Variants in NOSTRIN observed in about 807,000 individuals in gnomAD.
NOSTRIN encodes BM247 homolog.
In NOSTRIN, 63 loss-of-function variants were observed where a neutral mutation model predicts 59.0. The observed-to-expected ratio is 1.07, with a 90% CI of 0.87 to 1.32. The LOEUF is 1.32. NOSTRIN is among the 40% of genes most tolerant of loss of function. The pLI, the probability that NOSTRIN is intolerant of heterozygous loss-of-function variation, is 0.00. For synonymous variants in NOSTRIN, 200 were observed against 165.4 expected, an observed-to-expected ratio of 1.21 and a Z score of -1.61; for missense variants, 512 against 473.1, an observed-to-expected ratio of 1.08 and a Z score of -0.76.
At chr2:168,847,499 T>C (rs1316275097) in intron 8 of NOSTRIN, among the ~76,000 whole-genome samples, 1 of 152,216 alleles carries the variant, frequency 6.6e-6, no homozygotes, top group Non-Finnish European at 1.5e-5. Context: ...AGCATATTTC[T>C]TTTATCAGTT....
intron 7 of NOSTRIN, among the ~76,000 whole-genome samples, chr2:168,834,541 A>ACACCCC (rs58702721): frequency 7.1e-5 from 10 of 140,360 alleles, no homozygotes; most frequent in African/African-American, 1.6e-4. Flanking sequence ...ACACACACAC[A>ACACCCC]CCACATACAT....
intron 5 of NOSTRIN, among the ~76,000 whole-genome samples, chr2:168,829,185 G>A (rs1284929087): frequency 6.6e-6 from 1 of 151,920 alleles, no homozygotes; most frequent in Non-Finnish European, 1.5e-5. Flanking sequence ...ATCCTTTCAG[G>A]GGCACCTGGT....
At chr2:168,857,393 T>A (rs1689191439) in intron 12 of NOSTRIN, among the ~76,000 whole-genome samples, 1 of 152,066 alleles carries the variant, frequency 6.6e-6, no homozygotes, top group African/African-American at 2.4e-5. Flanking sequence ...GTCTGGTGTG[T>A]GAGGCAAAAT....
chr2:168,843,721 C>T (rs1282420396), intron 8 of NOSTRIN, among the ~76,000 whole-genome samples: 1 of 152,132 alleles, frequency 6.6e-6, no homozygotes, highest in African/African-American at 2.4e-5. Context: ...TTGACAATAT[C>T]AAGTGTTGGT....
At position 168,864,902 on chromosome 2, in the gene NOSTRIN, G is replaced by C. The variant is rs1444050704; in HGVS notation, c.1453G>C (p.Gly485Arg). Residue 485 changes from glycine (G) to arginine (R), a missense_variant, in exon 16 of 16, where the codon GGC (glycine) becomes CGC (arginine). Gly to Arg is a moderately radical substitution (Grantham distance 125). Transcript: ENST00000317647. Reference sequence around the variant, plus strand: ...GTTTGGATCTTTGAATGGGAAAAAAGGCCATTTTCCTGCCGCTTATGTGGA... The same window carrying C: ...GTTTGGATCTTTGAATGGGAAAAAACGCCATTTTCCTGCCGCTTATGTGGA... The part of the protein sequence containing the change: ...WWFGSLNGKK[G>R]HFPAAYVEEL... 2 of 1,614,048 alleles carry C rather than the reference G, an allele frequency of 1.2e-6. No homozygotes were observed. Among genetic ancestry groups the C allele is most frequent in the Non-Finnish European group, 1.7e-6 (2 of 1,179,962 alleles).
intron 1 of NOSTRIN, among the ~76,000 whole-genome samples, chr2:168,810,072 C>T (rs1023478278): frequency 6.6e-6 from 1 of 152,142 alleles, no homozygotes; most frequent in African/African-American, 2.4e-5. Flanking sequence ...CAGTGATGGG[C>T]CAGAATGGTT....
At chr2:168,802,463 T>C (rs1308881853), upstream of NOSTRIN, 1 of 588,190 alleles carries the variant, frequency 1.7e-6, no homozygotes, top group Non-Finnish European at 3.2e-6. Context: ...AGCAGTTCTT[T>C]ACTTTCTCGG....
rs147991503 is a variant in NOSTRIN at position 168,819,965 on chromosome 2, C to T, written c.114-4669C>T. Among the ~76,000 whole-genome samples the T allele has an allele frequency of 4.9e-3, 740 of 152,260 alleles. 5 individuals are homozygous for T. Among genetic ancestry groups the T allele is most frequent in the Middle Eastern group, 0.024 (7 of 294 alleles). On this transcript the variant is annotated intron_variant, in intron 2 of 15. Transcript: ENST00000317647. ...GATGCCTTTGGAACAGGCCTGGAAG[C>T]TCGTTATGTCTGCTCTGAGGCTGCT...
chr2:168,810,430 G>GT (rs1203940278), intron 1 of NOSTRIN, among the ~76,000 whole-genome samples: 2 of 152,070 alleles, frequency 1.3e-5, no homozygotes, highest in East Asian at 3.9e-4. Flanking sequence ...TATGTCCTTA[G>GT]TTTGATACTC....
chr2:168,855,615 AAAAGT>A, intron 11 of NOSTRIN, 155 bp downstream of exon 11: 12 of 294,186 alleles, frequency 4.1e-5, no homozygotes, highest in South Asian at 3.7e-4. Context: ...CAAAAAAAAA[AAAAGT>A]AGAAGAAAAA....
Position 168,865,013 on chromosome 2 carries a change from A to G in NOSTRIN, c.*43A>G, listed in dbSNP as rs765124040. 2 of 1,597,066 alleles carry G rather than the reference A, an allele frequency of 1.3e-6. No homozygotes were observed. Among genetic ancestry groups the G allele is most frequent in the Non-Finnish European group, 8.5e-7 (1 of 1,171,084 alleles). ...ACTACCTTCACACTCGGTAATCAAC[A>G]ATACAGTGTGGTTCAAATAAGAATA... is the stretch of plus-strand genomic sequence containing the variant. On this transcript the variant is annotated 3_prime_UTR_variant, in exon 16 of 16. Coordinates refer to ENST00000317647, the MANE Select transcript of NOSTRIN (RefSeq NM_001039724.4).
At chr2:168,863,720 T>TTGTC (rs2105805887) in intron 15 of NOSTRIN, 1 of 908,432 alleles carries the variant, frequency 1.1e-6, no homozygotes, top group Non-Finnish European at 1.3e-6. Flanking sequence ...TGCAGAGACA[T>TTGTC]TGTCTTGATC....
intron 5 of NOSTRIN, among the ~76,000 whole-genome samples, chr2:168,830,587 A>C (rs1687305878): frequency 6.6e-6 from 1 of 152,218 alleles, no homozygotes; most frequent in South Asian, 2.1e-4. Context: ...TGTTCCAGGG[A>C]AAAACATTCT....
intron 14 of NOSTRIN, 53 bp downstream of exon 14, chr2:168,860,962 T>C (rs574780369): frequency 8.7e-7 from 1 of 1,151,142 alleles, no homozygotes; most frequent in Non-Finnish European, 1.3e-6. Flanking sequence ...CAGGGCACAT[T>C]GCTACATTTA....
chr2:168,834,507 G>A (rs60880453), intron 7 of NOSTRIN, among the ~76,000 whole-genome samples, 182 bp downstream of exon 7: 42,987 of 124,738 alleles, frequency 0.34, 8,136 homozygotes, highest in African/African-American at 0.54. Flanking sequence ...GCGCGCGCGC[G>A]CACACACACA....
At chr2:168,860,045 G>C (rs755510709) in intron 13 of NOSTRIN, among the ~76,000 whole-genome samples, 131 of 152,146 alleles carry the variant, frequency 8.6e-4, no homozygotes, top group Non-Finnish European at 1.6e-3. Context: ...CATCAGTACA[G>C]CTCTGAAATG....
chr2:168,822,093 T>C (rs1353021460), intron 2 of NOSTRIN, among the ~76,000 whole-genome samples: 1 of 152,212 alleles, frequency 6.6e-6, no homozygotes, highest in Non-Finnish European at 1.5e-5. Context: ...CAGCTGGCTG[T>C]TAACCAGCAC....
At chr2:168,813,028 A>G (rs1686230612) in intron 2 of NOSTRIN, among the ~76,000 whole-genome samples, 1 of 152,240 alleles carries the variant, frequency 6.6e-6, no homozygotes, top group South Asian at 2.1e-4. Context: ...TTTAAATATG[A>G]AGTAACTTCT....
Position 168,856,754 on chromosome 2 carries a change from A to G in NOSTRIN, c.1029A>G (p.Lys343=), listed in dbSNP as rs1689148910. ...CCTTCTCTGATGCAAAGAGCCAGAA[A>G]GACACAGCAGCGTTAATGGATGAGG... is the stretch of plus-strand genomic sequence containing the variant. The part of the protein sequence containing the change: ...TSSFSDAKSQ[K]DTAALMDENN... The change falls in exon 12 of 16, where the codon AAA becomes AAG. Residue 343 remains lysine (K), a synonymous_variant. Coordinates refer to ENST00000317647, the MANE Select transcript of NOSTRIN (RefSeq NM_001039724.4). The G allele has an allele frequency of 2.5e-6, 4 of 1,614,044 alleles. No individual in the cohort carries two copies. Among genetic ancestry groups the G allele is most frequent in the Admixed American group, 1.7e-5 (1 of 60,002 alleles).
Sources: gnomAD v4.1 joint callset for allele counts (sites outside exome capture counted in the v4.1 genomes callset) on GRCh38, gnomAD v4.1.1 for gene constraint, MANE v1.5 for transcripts, NCBI Gene and HGNC (gene_info 2026-07-23, HGNC 2026-07-21) for gene names.